The following DOCK8 variants were observed in gnomAD, a reference collection of about 807,000 sequenced individuals.
The protein encoded by DOCK8 is dedicator of cytokinesis 8.
Under a neutral mutation model 245.6 loss-of-function variants are expected in DOCK8, and 141 were observed. The observed-to-expected ratio is 0.57, with a 90% confidence interval of 0.50 to 0.66. DOCK8 has a LOEUF of 0.66. DOCK8 is among the 30% of genes least tolerant of loss of function. DOCK8 has a pLI of 0.00. For missense variants in DOCK8, 2,965 were observed against 2,603.4 expected, an observed-to-expected ratio of 1.14 and a Z score of -3.02; for synonymous variants, 1,168 against 970.2, an observed-to-expected ratio of 1.20 and a Z score of -3.79.
intron 46 of DOCK8, among the ~76,000 whole-genome samples, chr9:454,980 G>T (rs35188282): frequency 0.07 from 10,718 of 152,212 alleles, 422 homozygotes; most frequent in Middle Eastern, 0.095. Context: ...TCAATAATGA[G>T]GCTATCATTC....
At chr9:329,600 A>G (rs2050916933) in intron 9 of DOCK8, among the ~76,000 whole-genome samples, 1 of 152,186 alleles carries the variant, frequency 6.6e-6, no homozygotes, top group Admixed American at 6.5e-5. Flanking sequence ...TTTTCGTTGC[A>G]ATATTACTTA....
At chr9:403,958 A>ATG (rs1491104334) in intron 26 of DOCK8, among the ~76,000 whole-genome samples, 15 of 75,626 alleles carry the variant, frequency 2.0e-4, no homozygotes, top group Admixed American at 4.2e-4. Context: ...ATATATATAT[A>ATG]TGTATATATA....
intron 1 of DOCK8, among the ~76,000 whole-genome samples, chr9:236,617 G>C (rs966490644): frequency 6.6e-6 from 1 of 152,216 alleles, no homozygotes; most frequent in African/African-American, 2.4e-5. Context: ...CTGGCTTAAA[G>C]AAGAGGAATA....
intron 2 of DOCK8, among the ~76,000 whole-genome samples, chr9:281,115 G>A (rs948391101): frequency 5.9e-5 from 9 of 152,086 alleles, no homozygotes; most frequent in East Asian, 1.9e-4. Flanking sequence ...TTAGCCAGGC[G>A]TGGTGGCGCA....
intron 20 of DOCK8, 72 bp downstream of exon 20, chr9:377,283 C>T (rs1244952721): frequency 5.0e-6 from 7 of 1,406,676 alleles, no homozygotes; most frequent in Non-Finnish European, 6.7e-6. Context: ...TGAAAAATGA[C>T]TTTCCAGAAA....
intron 1 of DOCK8, among the ~76,000 whole-genome samples, chr9:253,578 C>T (rs1384204692): frequency 6.6e-6 from 1 of 152,134 alleles, no homozygotes; most frequent in Non-Finnish European, 1.5e-5. Context: ...GAAGGTTTGC[C>T]TCCATAAGAC....
At chr9:317,424 T>C (rs978091312) in intron 7 of DOCK8, among the ~76,000 whole-genome samples, 1 of 152,114 alleles carries the variant, frequency 6.6e-6, no homozygotes, top group African/African-American at 2.4e-5. Context: ...AGCGCTTAAG[T>C]CAGTGGTGTG....
rs1026044071 is a variant in DOCK8, at chr9:385,324, C to G, written c.2779-1007C>G. ...ATCAATGTTAGTTTCTTAGTTTTGA[C>G]AAATGTACCTTACTATAAAAGATAT... On this transcript the variant is annotated intron_variant, in intron 22 of 47. Transcript: ENST00000432829. Among the ~76,000 whole-genome samples, 62 of 151,940 alleles carry G rather than the reference C, an allele frequency of 4.1e-4. 1 individual carries two copies. Among genetic ancestry groups the G allele is most frequent in the African/African-American group, 1.4e-3 (58 of 41,396 alleles).
intron 1 of DOCK8, among the ~76,000 whole-genome samples, chr9:237,958 T>C (rs1412563877): frequency 6.6e-6 from 1 of 152,156 alleles, no homozygotes; most frequent in Non-Finnish European, 1.5e-5. Context: ...AATTATTCAC[T>C]CCCACTTGTG....
intron 25 of DOCK8, 78 bp downstream of exon 25, chr9:397,012 C>T (rs2054494396): frequency 2.8e-6 from 4 of 1,442,832 alleles, no homozygotes; most frequent in Admixed American, 3.5e-5. Flanking sequence ...GAAAAATAAG[C>T]ATCATTTTAA....
chr9:302,141 CA>C (rs2049582483), intron 4 of DOCK8, among the ~76,000 whole-genome samples: 1 of 152,124 alleles, frequency 6.6e-6, no homozygotes, highest in African/African-American at 2.4e-5. Flanking sequence ...AGTCCAGGTA[CA>C]AAAACAGACA....
chr9:393,134 C>G (rs545427825), intron 24 of DOCK8, among the ~76,000 whole-genome samples: 1 of 140,930 alleles, frequency 7.1e-6, no homozygotes, highest in South Asian at 2.4e-4. Context: ...GAAGAAGATT[C>G]ACTTGAGTCA....
chr9:308,892 C>T (rs747087902), intron 5 of DOCK8, among the ~76,000 whole-genome samples: 3 of 152,192 alleles, frequency 2.0e-5, no homozygotes, highest in Non-Finnish European at 4.4e-5. Flanking sequence ...CTCCTGACCT[C>T]ATGATCCCCC....
Position 463,548 on chromosome 9 carries a change from C to T in DOCK8, c.6100C>T (p.Leu2034Phe). Residue 2034 changes from leucine to phenylalanine, a missense_variant, in exon 47 of 48, where the codon CTC (leucine) becomes TTC (phenylalanine). This residue lies in a region of DOCK8 where 134 missense variants were observed against 128.1 expected (regional missense o/e 1.05). Coordinates refer to ENST00000432829, the MANE Select transcript of DOCK8 (RefSeq NM_203447.4). ...TGAAGCTGTAGAGAAAAACAAGCGT[C>T]TCATCACGGCAGACCAGAGGGAATA... ...CGEAVEKNKRLITADQREYQQ... is the reference protein window; with the variant it reads ...CGEAVEKNKRFITADQREYQQ... The T allele has an allele frequency of 6.2e-7, 1 of 1,614,198 alleles. No individual in the cohort carries two copies.
chr9:271,771 C>A, intron 2 of DOCK8, 42 bp downstream of exon 2: 1 of 1,399,994 alleles, frequency 7.1e-7, no homozygotes, highest in Non-Finnish European at 9.9e-7. Context: ...TGGTCAAGTG[C>A]AAAAGTGCCC....
At chr9:353,994 C>G (rs1336969606) in intron 14 of DOCK8, among the ~76,000 whole-genome samples, 1 of 152,122 alleles carries the variant, frequency 6.6e-6, no homozygotes, top group Non-Finnish European at 1.5e-5. Context: ...TCTTATACTT[C>G]TTTGGAGATT....
chr9:279,022 A>T (rs2048466220), intron 2 of DOCK8, among the ~76,000 whole-genome samples: 1 of 152,200 alleles, frequency 6.6e-6, no homozygotes, highest in South Asian at 2.1e-4. Flanking sequence ...GGTGCTTTGG[A>T]CGAGGGTGGT....
intron 30 of DOCK8, among the ~76,000 whole-genome samples, chr9:419,182 ACTTT>A (rs1420129687): frequency 6.6e-6 from 1 of 152,164 alleles, no homozygotes. Flanking sequence ...AGAGAATTTA[ACTTT>A]CTTCTCCCGT....
intron 27 of DOCK8, among the ~76,000 whole-genome samples, chr9:405,358 C>A (rs2055364268): frequency 6.6e-6 from 1 of 152,290 alleles, no homozygotes; most frequent in East Asian, 1.9e-4. Context: ...AGTCTCAAAT[C>A]TTCCTTTGTC....
Sources: gnomAD v4.1 joint callset for allele counts (sites outside exome capture counted in the v4.1 genomes callset) on GRCh38, gnomAD v4.1.1 for gene constraint, gnomAD v4.1.1 regional missense constraint, MANE v1.5 for transcripts, NCBI Gene and HGNC (gene_info 2026-07-23, HGNC 2026-07-21) for gene names.